The following DPP6 variants were observed in gnomAD, a reference collection of about 807,000 sequenced individuals.
DPP6 encodes A-type potassium channel modulatory protein DPP6.
In DPP6, 69 loss-of-function variants were observed where a neutral mutation model predicts 122.6. The ratio of observed to expected loss-of-function variants is 0.56; its 90% CI spans 0.46 to 0.69. DPP6 has a LOEUF of 0.69. DPP6 is among the 30% of genes least tolerant of loss of function. The probability of loss-of-function intolerance (pLI) is 0.00; values close to 1 mark genes in which losing one functional copy is unlikely to be tolerated. For missense variants in DPP6, 928 were observed against 1,116.9 expected, an observed-to-expected ratio of 0.83 and a Z score of 2.41; for synonymous variants, 418 against 433.1, an observed-to-expected ratio of 0.97 and a Z score of 0.43.
chr7:154,885,346 G>T (rs1806056680), intron 21 of DPP6: 2 of 387,840 alleles, frequency 5.2e-6, no homozygotes, highest in Non-Finnish European at 4.8e-6. Flanking sequence ...TTACACCTGT[G>T]CAGTCCACAC....
intron 6 of DPP6, among the ~76,000 whole-genome samples, chr7:154,652,987 T>C (rs1836978424): frequency 6.6e-6 from 1 of 152,214 alleles, no homozygotes; most frequent in African/African-American, 2.4e-5. Context: ...TTTAAGGAAC[T>C]TCTCTTTGTC....
upstream of DPP6, among the ~76,000 whole-genome samples, chr7:154,052,126 C>T (rs1800381688): frequency 6.6e-6 from 1 of 151,070 alleles, no homozygotes; most frequent in Non-Finnish European, 1.5e-5. The surrounding 1 kb of genome is among the most constrained non-coding windows in gnomAD (Gnocchi z 4.8). Context: ...GCACTCGCAG[C>T]ACTACCTTCG....
chr7:154,067,951 T>C lies in DPP6; in HGVS notation c.243+14888T>C, dbSNP rs191902833. Among the ~76,000 whole-genome samples the C allele has an allele frequency of 1.1e-3, 169 of 149,782 alleles. 2 individuals carry two copies. The East Asian group carries it at 0.019, about 17-fold the overall frequency. On this transcript the variant is annotated intron_variant, in intron 1 of 25. Transcript: ENST00000377770. ...GTTTGTTTGTTTTTTTGATAAAGAT[T>C]GAGTCTTCCTATGTTGCCCAGCCTG... is the stretch of plus-strand genomic sequence containing the variant.
At chr7:153,992,172 G>A (rs1797212697) in intron 1 of DPP6, among the ~76,000 whole-genome samples, 1 of 151,860 alleles carries the variant, frequency 6.6e-6, no homozygotes, top group African/African-American at 2.4e-5. Context: ...TAAATTTTGG[G>A]GGGCACATTC....
intron 1 of DPP6, among the ~76,000 whole-genome samples, chr7:154,304,765 G>A (rs1001840305): frequency 1.2e-4 from 19 of 152,212 alleles, no homozygotes; most frequent in Admixed American, 7.2e-4. Flanking sequence ...CAGAAAAGCT[G>A]CCTGCCTCCG....
intron 1 of DPP6, among the ~76,000 whole-genome samples, chr7:154,434,361 C>T (rs141014680): frequency 2.6e-5 from 4 of 152,278 alleles, no homozygotes; most frequent in East Asian, 3.9e-4. Flanking sequence ...ACACAGATAT[C>T]GTGCCTGCAG....
chr7:154,802,156 C>G (rs1301083146), intron 13 of DPP6, among the ~76,000 whole-genome samples: 1 of 152,022 alleles, frequency 6.6e-6, no homozygotes, highest in Non-Finnish European at 1.5e-5. Context: ...TGGATCTCCT[C>G]AGTTTTGGAG....
At chr7:153,793,023 A>T in the DPP6 span, among the ~76,000 whole-genome samples, 1 of 152,170 alleles carries the variant, frequency 6.6e-6, no homozygotes, top group Non-Finnish European at 1.5e-5. Flanking sequence ...AAGTCCAGTT[A>T]AACTTCTTTT....
intron 1 of DPP6, among the ~76,000 whole-genome samples, chr7:154,287,773 C>T (rs1804951324): frequency 6.6e-6 from 1 of 152,178 alleles, no homozygotes. Context: ...ACAGGAATGT[C>T]TGGCAGAGTA....
intron 1 of DPP6, among the ~76,000 whole-genome samples, chr7:154,074,941 TCAAA>T (rs1385393083): frequency 2.7e-4 from 41 of 150,664 alleles, no homozygotes; most frequent in Middle Eastern, 3.4e-3. Context: ...TACAAGGAAC[TCAAA>T]CAAATCAGCA....
intron 5 of DPP6, among the ~76,000 whole-genome samples, chr7:154,610,112 G>A (rs949693357): frequency 6.6e-6 from 1 of 152,136 alleles, no homozygotes; most frequent in Admixed American, 6.5e-5. Flanking sequence ...CTGACCCCTG[G>A]AAGAGAAAGA....
chr7:154,446,227 G>A lies in DPP6; in HGVS notation c.257G>A (p.Ser86Asn), dbSNP rs1363356957. 2 of 1,603,594 alleles carry A rather than the reference G, an allele frequency of 1.2e-6. No individual in the cohort carries two copies. The highest frequency in any genetic ancestry group is 8.5e-7 in the Non-Finnish European group (1 of 1,174,720). The change falls in exon 2 of 26, where the codon AGT becomes AAT. Residue 86 changes from serine (S) to asparagine (N), a missense_variant. Ser to Asn is a conservative substitution (Grantham distance 46). Coordinates refer to ENST00000377770, the MANE Select transcript of DPP6 (RefSeq NM_130797.4). Reference sequence around the variant, plus strand: ...TGCTGTTTTTAGGAGCTGGTGGGGAGTAACCCTCCGCAGAGGAATTGGAAA... The same window carrying A: ...TGCTGTTTTTAGGAGCTGGTGGGGAATAACCCTCCGCAGAGGAATTGGAAA... ...DGDEEDELVG[S>N]NPPQRNWKGI...
At position 154,474,931 on chromosome 7, in the gene DPP6, T is replaced by A; in HGVS notation, c.359-8T>A. 1.2e-6 allele frequency: 2 copies of A among 1,609,200 alleles called. No homozygotes were observed. The highest frequency in any genetic ancestry group is 4.5e-5 in the East Asian group (2 of 44,850). On this transcript the variant is annotated splice_region_variant and splice_polypyrimidine_tract_variant and intron_variant, in intron 2 of 25. Coordinates refer to ENST00000377770, the MANE Select transcript of DPP6 (RefSeq NM_130797.4). ...AAGCTTAACTCTTTGCTTTTTATTTTTTTCTAGCGGAAGATAATAGTCTGT... is the reference window on the plus strand; with the variant it reads ...AAGCTTAACTCTTTGCTTTTTATTTATTTCTAGCGGAAGATAATAGTCTGT...
intron 1 of DPP6, among the ~76,000 whole-genome samples, chr7:154,105,294 G>C (rs1806077984): frequency 6.6e-6 from 1 of 152,204 alleles, no homozygotes; most frequent in Admixed American, 6.5e-5. Flanking sequence ...CGAGGAGAGG[G>C]ATGGCCAAAA....
At chr7:154,751,435 C>G (rs1164521099) in intron 8 of DPP6, among the ~76,000 whole-genome samples, 1 of 141,452 alleles carries the variant, frequency 7.1e-6, no homozygotes. Context: ...CCCTGTCTCT[C>G]CTAAAAATAC....
chr7:154,269,417 G>A (rs1319647584), intron 1 of DPP6, among the ~76,000 whole-genome samples: 1 of 152,146 alleles, frequency 6.6e-6, no homozygotes, highest in East Asian at 1.9e-4. Flanking sequence ...CAGGTACGTA[G>A]TCAGTGGTCA....
intron 5 of DPP6, among the ~76,000 whole-genome samples, chr7:154,580,200 T>TAC (rs58480934): frequency 1.0e-3 from 127 of 124,568 alleles, no homozygotes; most frequent in Non-Finnish European, 1.7e-3. Flanking sequence ...CCCTCCCCCT[T>TAC]ACACACACAC....
intron 1 of DPP6, among the ~76,000 whole-genome samples, chr7:153,984,979 A>G (rs995888540): frequency 2.6e-5 from 4 of 152,200 alleles, no homozygotes; most frequent in Admixed American, 2.0e-4. Context: ...TCATTCCCCA[A>G]GCTAGAATGG....
At chr7:154,117,527 C>T (rs535756098) in intron 1 of DPP6, among the ~76,000 whole-genome samples, 87 of 152,266 alleles carry the variant, frequency 5.7e-4, no homozygotes, top group Non-Finnish European at 1.0e-3. Context: ...CCTGACAATG[C>T]GATGCAGATT....
Sources: allele counts gnomAD v4.1 joint callset (sites outside exome capture counted in the v4.1 genomes callset), GRCh38; gene constraint gnomAD v4.1.1; non-coding constraint Gnocchi (gnomAD v3.1); transcripts MANE v1.5; gene names NCBI Gene and HGNC (gene_info 2026-07-23, HGNC 2026-07-21).